The following SGCD variants were observed in gnomAD, a reference collection of about 807,000 sequenced individuals.
The protein encoded by SGCD is sarcoglycan delta, also known as delta-sarcoglycan.
Under a neutral mutation model 36.6 loss-of-function variants are expected in SGCD, and 18 were observed. The observed-to-expected ratio is 0.49, with a 90% CI of 0.34 to 0.73. The LOEUF (loss-of-function observed/expected upper bound fraction) is 0.73, where lower values mean the gene tolerates loss of function less well. SGCD is among the 30% of genes least tolerant of loss of function. The probability of loss-of-function intolerance (pLI) is 0.01; values close to 1 mark genes in which losing one functional copy is unlikely to be tolerated. For synonymous variants in SGCD, 133 were observed against 130.6 expected (o/e 1.02, Z -0.12); for missense variants, 387 against 346.7 (o/e 1.12, Z -0.92).
At chr5:156,453,621 C>A (rs1055306285) in intron 3 of SGCD, among the ~76,000 whole-genome samples, 1 of 152,094 alleles carries the variant, frequency 6.6e-6, no homozygotes, top group African/African-American at 2.4e-5. Context: ...TTGGGAAGGG[C>A]GGTACTCTCA....
chr5:155,952,755 G>A (rs1165739544), intron 1 of SGCD, among the ~76,000 whole-genome samples: 1 of 152,194 alleles, frequency 6.6e-6, no homozygotes, highest in Admixed American at 6.5e-5. Context: ...TATGCAAAAT[G>A]TTATGCACTT....
At chr5:155,877,089 C>A (rs1224271598) in intron 1 of SGCD, among the ~76,000 whole-genome samples, 2 of 152,026 alleles carry the variant, frequency 1.3e-5, no homozygotes, top group Non-Finnish European at 2.9e-5. Flanking sequence ...CTACTGAAGT[C>A]TTATGGGCCT....
intron 1 of SGCD, among the ~76,000 whole-genome samples, chr5:155,948,751 A>G (rs1757495884): frequency 6.6e-6 from 1 of 152,164 alleles, no homozygotes; most frequent in Non-Finnish European, 1.5e-5. Flanking sequence ...CTTAAATGCA[A>G]ATCTTTACTG....
At chr5:156,272,042 A>T (rs1239225571) in intron 3 of SGCD, among the ~76,000 whole-genome samples, 4 of 152,022 alleles carry the variant, frequency 2.6e-5, no homozygotes, top group Non-Finnish European at 5.9e-5. Flanking sequence ...TAGTTTTGGG[A>T]TACAGGTGTT....
chr5:156,211,362 C>T (rs1345804025), intron 3 of SGCD, among the ~76,000 whole-genome samples: 1 of 152,120 alleles, frequency 6.6e-6, no homozygotes, highest in African/African-American at 2.4e-5. Flanking sequence ...AATCCCAGCA[C>T]TTTGGGAGGC....
chr5:155,920,153 G>A (rs1561650224), intron 1 of SGCD, among the ~76,000 whole-genome samples: 2 of 152,134 alleles, frequency 1.3e-5, no homozygotes, highest in Non-Finnish European at 2.9e-5. Context: ...ATCTAACCCT[G>A]GCTTCCTGGT....
chr5:155,749,589 G>T, the SGCD span, among the ~76,000 whole-genome samples: 1 of 152,256 alleles, frequency 6.6e-6, no homozygotes, highest in African/African-American at 2.4e-5. Context: ...GATTTCAGAC[G>T]TTTTTGTAGT....
intron 1 of SGCD, among the ~76,000 whole-genome samples, chr5:156,033,118 A>G (rs1268123886): frequency 1.1e-5 from 1 of 93,196 alleles, no homozygotes; most frequent in Non-Finnish European, 2.3e-5. Flanking sequence ...ATAAAAAAAC[A>G]AAAAAAAAGA....
At chr5:155,937,053 C>T (rs920238256) in intron 1 of SGCD, among the ~76,000 whole-genome samples, 4 of 152,274 alleles carry the variant, frequency 2.6e-5, no homozygotes, top group Non-Finnish European at 4.4e-5. Flanking sequence ...TCCAAGCCTG[C>T]GGGGCCAGGG....
intron 3 of SGCD, among the ~76,000 whole-genome samples, chr5:156,264,703 T>C (rs1201908453): frequency 6.6e-6 from 1 of 152,110 alleles, no homozygotes; most frequent in Non-Finnish European, 1.5e-5. Flanking sequence ...AAAAGTTACC[T>C]GAGAGACAAA....
chr5:155,920,050 T>C (rs1756839015), intron 1 of SGCD, among the ~76,000 whole-genome samples: 1 of 152,158 alleles, frequency 6.6e-6, no homozygotes, highest in Non-Finnish European at 1.5e-5. Context: ...TTTAGAACCC[T>C]AGATGCGATT....
chr5:156,096,250 G>A (rs1462636365), intron 1 of SGCD, among the ~76,000 whole-genome samples: 3 of 152,166 alleles, frequency 2.0e-5, no homozygotes, highest in African/African-American at 4.8e-5. Flanking sequence ...AGGATGCACA[G>A]ATCTCCCATA....
chr5:156,637,890 A>G (rs1212315166), intron 6 of SGCD, among the ~76,000 whole-genome samples: 1 of 152,118 alleles, frequency 6.6e-6, no homozygotes, highest in East Asian at 1.9e-4. Context: ...GAAACCTTCA[A>G]TTCTTTGTCC....
At chr5:156,610,756 C>G (rs12521380) in intron 6 of SGCD, among the ~76,000 whole-genome samples, 40,310 of 152,214 alleles carry the variant, frequency 0.26, 5,431 homozygotes, top group East Asian at 0.31. Flanking sequence ...CGCCCCTCCC[C>G]CAGCCTCGCT....
At chr5:156,119,624 A>G (rs973003693) in intron 2 of SGCD, among the ~76,000 whole-genome samples, 1 of 152,106 alleles carries the variant, frequency 6.6e-6, no homozygotes, top group African/African-American at 2.4e-5. Flanking sequence ...TTGGATCCAT[A>G]GTTCATCCTT....
At chr5:156,635,163 G>A (rs1762777713) in intron 6 of SGCD, among the ~76,000 whole-genome samples, 1 of 152,132 alleles carries the variant, frequency 6.6e-6, no homozygotes, top group Admixed American at 6.6e-5. Flanking sequence ...ATTTGAGGCT[G>A]CAGTCAGCTG....
At chr5:156,084,551 AT>A (rs1279461992) in intron 1 of SGCD, among the ~76,000 whole-genome samples, 1 of 151,780 alleles carries the variant, frequency 6.6e-6, no homozygotes, top group East Asian at 1.9e-4. Flanking sequence ...TTATCTTATA[AT>A]CTGTGAACTT....
intron 7 of SGCD, among the ~76,000 whole-genome samples, chr5:156,732,401 C>T (rs976422685): frequency 1.3e-5 from 2 of 152,040 alleles, no homozygotes; most frequent in African/African-American, 4.8e-5. Context: ...TGATGAATCA[C>T]ATTTGATTTG....
intron 3 of SGCD, among the ~76,000 whole-genome samples, chr5:156,490,651 A>C (rs1366064818): frequency 2.0e-5 from 3 of 152,052 alleles, no homozygotes; most frequent in South Asian, 4.1e-4. Flanking sequence ...TATAAAATTC[A>C]ACGTCCCTTA....
Sources: allele counts gnomAD v4.1 joint callset (sites outside exome capture counted in the v4.1 genomes callset), GRCh38; gene constraint gnomAD v4.1.1; transcripts MANE v1.5; gene names NCBI Gene and HGNC (gene_info 2026-07-23, HGNC 2026-07-21).